CNTNAP2: variants seen among roughly 807,000 people sequenced by gnomAD.
The protein encoded by CNTNAP2 is contactin-associated protein-like 2.
In CNTNAP2, 98 loss-of-function variants were observed where a neutral mutation model predicts 155.2. The ratio of observed to expected loss-of-function variants is 0.63; its 90% CI spans 0.54 to 0.75. The LOEUF is 0.75. Among genes scored for constraint, CNTNAP2 ranks in the 30% least tolerant of loss-of-function variants. The pLI is 0.00. For synonymous variants in CNTNAP2, 651 were observed against 631.2 expected (o/e 1.03, Z -0.47); for missense variants, 1,727 against 1,688.1 (o/e 1.02, Z -0.40).
intron 8 of CNTNAP2, among the ~76,000 whole-genome samples, chr7:147,278,137 A>G (rs1360898413): frequency 1.3e-5 from 2 of 151,636 alleles, no homozygotes; most frequent in Admixed American, 6.6e-5. Context: ...CAAAAAAAAA[A>G]AAAAAAATAG....
At chr7:147,661,928 T>C (rs1013576422) in intron 13 of CNTNAP2, among the ~76,000 whole-genome samples, 3 of 152,144 alleles carry the variant, frequency 2.0e-5, no homozygotes, top group Non-Finnish European at 2.9e-5. Flanking sequence ...AACTTTGAGT[T>C]AGATTGCAGT....
intron 15 of CNTNAP2, among the ~76,000 whole-genome samples, chr7:148,096,322 G>A (rs1373149491): frequency 6.6e-6 from 1 of 151,056 alleles, no homozygotes; most frequent in Non-Finnish European, 1.5e-5. Context: ...TGTGGTCACA[G>A]TGAAACATAG....
chr7:146,227,505 A>T (rs1302443410), intron 1 of CNTNAP2, among the ~76,000 whole-genome samples: 1 of 151,982 alleles, frequency 6.6e-6, no homozygotes, highest in Non-Finnish European at 1.5e-5. Context: ...GGTTGACTCT[A>T]GTTATTGACA....
At chr7:147,807,130 A>G (rs1798103310) in intron 13 of CNTNAP2, among the ~76,000 whole-genome samples, 1 of 151,816 alleles carries the variant, frequency 6.6e-6, no homozygotes, top group Non-Finnish European at 1.5e-5. Context: ...TGGGCACCAT[A>G]ATGAGACCCC....
At chr7:146,978,899 T>C (rs960389328) in intron 3 of CNTNAP2, among the ~76,000 whole-genome samples, 1 of 151,876 alleles carries the variant, frequency 6.6e-6, no homozygotes. Context: ...AAAGCAAGAG[T>C]GTGAATAAAA....
chr7:146,783,097 C>T (rs950274601), intron 2 of CNTNAP2, among the ~76,000 whole-genome samples: 2 of 152,034 alleles, frequency 1.3e-5, no homozygotes, highest in African/African-American at 4.8e-5. Flanking sequence ...ACCTCAAACT[C>T]CTTTCAATTT....
chr7:147,477,472 G>A (rs1798343014), intron 10 of CNTNAP2, among the ~76,000 whole-genome samples: 1 of 152,072 alleles, frequency 6.6e-6, no homozygotes, highest in Non-Finnish European at 1.5e-5. Context: ...TCTACTTGGA[G>A]CATTAAAATA....
At chr7:147,686,330 A>G (rs1194757586) in intron 13 of CNTNAP2, among the ~76,000 whole-genome samples, 1 of 152,118 alleles carries the variant, frequency 6.6e-6, no homozygotes, top group Non-Finnish European at 1.5e-5. Context: ...AAAAGAATGC[A>G]GAAAAAGAAG....
chr7:148,244,331 A>T (rs1251688812), intron 20 of CNTNAP2, among the ~76,000 whole-genome samples: 1 of 152,056 alleles, frequency 6.6e-6, no homozygotes, highest in African/African-American at 2.4e-5. Flanking sequence ...TCACAAATTA[A>T]CTCTGGCCAT....
chr7:146,711,741 A>AGTATACACATCTTATGTATACATATAT (rs1801078426), intron 1 of CNTNAP2, among the ~76,000 whole-genome samples: 1 of 145,568 alleles, frequency 6.9e-6, no homozygotes, highest in African/African-American at 2.4e-5. Flanking sequence ...ATACATATAT[A>AGTATACACATCTTATGTATACATATAT]GTATACACAT....
intron 1 of CNTNAP2, among the ~76,000 whole-genome samples, chr7:146,761,807 T>C (rs1802106299): frequency 6.8e-6 from 1 of 146,386 alleles, no homozygotes; most frequent in African/African-American, 2.7e-5. Context: ...AAGACAAGCC[T>C]TCTAGAAGGG....
intron 1 of CNTNAP2, among the ~76,000 whole-genome samples, chr7:146,518,480 A>C (rs1410997855): frequency 6.6e-6 from 1 of 151,886 alleles, no homozygotes; most frequent in African/African-American, 2.4e-5. Context: ...ATTCATTAAA[A>C]TGTTAAACTT....
chr7:146,714,729 T>C (rs970895563), intron 1 of CNTNAP2, among the ~76,000 whole-genome samples: 5 of 152,272 alleles, frequency 3.3e-5, no homozygotes, highest in Admixed American at 3.3e-4. Flanking sequence ...TAGAGATATA[T>C]ATGTAACTAA....
At chr7:146,414,722 T>A (rs1474721167) in intron 1 of CNTNAP2, among the ~76,000 whole-genome samples, 1 of 152,118 alleles carries the variant, frequency 6.6e-6, no homozygotes, top group Non-Finnish European at 1.5e-5. Context: ...AAGTAGGTGG[T>A]CTCTCTGATG....
At chr7:147,914,167 A>G (rs1800117914) in intron 14 of CNTNAP2, among the ~76,000 whole-genome samples, 1 of 152,210 alleles carries the variant, frequency 6.6e-6, no homozygotes, top group Admixed American at 6.5e-5. Context: ...CTTGCACAGA[A>G]AGATGGCCAA....
intron 3 of CNTNAP2, among the ~76,000 whole-genome samples, chr7:146,969,782 A>G (rs1324130931): frequency 1.3e-5 from 2 of 152,124 alleles, no homozygotes; most frequent in Non-Finnish European, 2.9e-5. Context: ...ACACAGCTGG[A>G]GGTATCACGC....
chr7:147,629,920 G>C (rs1480101548), intron 12 of CNTNAP2, among the ~76,000 whole-genome samples: 3 of 150,942 alleles, frequency 2.0e-5, no homozygotes, highest in Admixed American at 6.6e-5. Context: ...CAAGCAAATA[G>C]AAAAACAAGT....
intron 16 of CNTNAP2, among the ~76,000 whole-genome samples, chr7:148,125,977 A>G (rs1372548333): frequency 1.3e-5 from 2 of 152,168 alleles, no homozygotes; most frequent in Admixed American, 1.3e-4. Flanking sequence ...AACTGGGATT[A>G]TAGGTATAAG....
intron 1 of CNTNAP2, among the ~76,000 whole-genome samples, chr7:146,133,470 A>C (rs545446705): frequency 6.6e-6 from 1 of 152,094 alleles, no homozygotes; most frequent in Non-Finnish European, 1.5e-5. Flanking sequence ...TTGGTGTTTT[A>C]GACATGAAGT....
Sources: allele counts gnomAD v4.1 joint callset (sites outside exome capture counted in the v4.1 genomes callset), GRCh38; gene constraint gnomAD v4.1.1; transcripts MANE v1.5; gene names NCBI Gene and HGNC (gene_info 2026-07-23, HGNC 2026-07-21).